CASK: variants seen among roughly 807,000 people sequenced by gnomAD.
The protein encoded by CASK is peripheral plasma membrane protein CASK.
A neutral mutation model predicts 82.9 loss-of-function variants in CASK; 4 were observed. The ratio of observed to expected loss-of-function variants is 0.05; its 90% confidence interval spans 0.02 to 0.11. The LOEUF is 0.11. Ranked by LOEUF, CASK falls within the 10% of genes least tolerant of loss-of-function variation. The pLI is 1.00. For missense variants in CASK, 358 were observed against 720.9 expected (o/e 0.50, Z 5.76); for synonymous variants, 259 against 253.5 (o/e 1.02, Z -0.20).
chrX:41,665,194 C>A lies in CASK; in HGVS notation c.708+83G>T, dbSNP rs1385037646. On this transcript the variant is annotated intron_variant, in intron 7 of 26. Coordinates refer to ENST00000378163, the MANE Select transcript of CASK (RefSeq NM_001367721.1). ...AACTACCTGGCAGTCAATTAGTGGG[C>A]AAAGACAGACAGTAACTTCAAAAAA... 3 of 838,120 alleles carry A rather than the reference C, an allele frequency of 3.6e-6. No individual in the cohort carries two copies. In the African/African-American group the frequency reaches 6.1e-5, roughly 17 times the overall value. 69.1% of individuals were successfully genotyped at this position (838,120 alleles called of 1,213,427 possible).
In CASK at chrX:41,561,651, A is replaced by C. The variant is rs778073677; in HGVS notation, c.1583-7T>G. On this transcript the variant is annotated splice_region_variant and splice_polypyrimidine_tract_variant and intron_variant, in intron 16 of 26. Transcript: ENST00000378163. ...TCACCAACATGAAGTGTACCTAAGA[A>C]ATTATATAACATTATAAACATGAAA... is the stretch of plus-strand genomic sequence containing the variant. 9.8e-5 allele frequency: 109 copies of C among 1,109,216 alleles called. No individual in the cohort carries two copies. Among genetic ancestry groups the C allele is most frequent in the Non-Finnish European group, 1.4e-4 (109 of 803,843 alleles). 91.4% of individuals were successfully genotyped at this position (1,109,216 alleles called of 1,213,427 possible).
intron 8 of CASK, among the ~76,000 whole-genome samples, chrX:41,655,101 T>C (rs2066916677): frequency 9.0e-6 from 1 of 110,629 alleles, no homozygotes; most frequent in South Asian, 3.9e-4. Context: ...TACCTAAATG[T>C]TTTATGGAAC....
intron 7 of CASK, among the ~76,000 whole-genome samples, chrX:41,662,200 A>G (rs1199599957): frequency 8.9e-6 from 1 of 111,751 alleles, no homozygotes; most frequent in Non-Finnish European, 1.9e-5. Flanking sequence ...ATAGCAGCTT[A>G]GAATCTTGCT....
rs754837238 is a variant in CASK at position 41,676,452 on chromosome X, G to A, written c.430-4922C>T. 47 of 1,196,017 alleles carry A rather than the reference G, an allele frequency of 3.9e-5. No individual in the cohort carries two copies. The East Asian group carries it at 1.3e-3, about 34-fold the overall frequency. Reference sequence around the variant, plus strand: ...GCCATGTCATCATATCGCTCAGCCTGCTCGGCCAGTTTGGCCTTCTGAACC... The same window carrying A: ...GCCATGTCATCATATCGCTCAGCCTACTCGGCCAGTTTGGCCTTCTGAACC... On this transcript the variant is annotated intron_variant, in intron 5 of 26. Coordinates refer to ENST00000378163, the MANE Select transcript of CASK (RefSeq NM_001367721.1).
chrX:41,889,311 T>A (rs1157749952), intron 1 of CASK, among the ~76,000 whole-genome samples: 3 of 78,868 alleles, frequency 3.8e-5, no homozygotes, highest in African/African-American at 1.1e-4. Flanking sequence ...GCCAACATCT[T>A]TTTTTTTTTA....
intron 2 of CASK, among the ~76,000 whole-genome samples, chrX:41,835,907 T>G (rs1160733623): frequency 4.5e-5 from 5 of 112,143 alleles, no homozygotes; most frequent in Non-Finnish European, 9.4e-5. Flanking sequence ...AACTTTACAT[T>G]TGTAATATTT....
Position 41,542,821 on chromosome X carries a change from A to C in CASK, c.2040-15T>G, listed in dbSNP as rs763339326. 1.0e-6 allele frequency: 1 copy of C among 963,966 alleles called. No individual in the cohort carries two copies. The highest frequency in any genetic ancestry group is 1.9e-5 in the African/African-American group (1 of 52,676). The allele number at this position is 963,966 out of a possible 1,213,427, so 79.4% of individuals were successfully genotyped here. ...AAGCTACTCGCCTAGCACATACAAA[A>C]AGAAAAATAAAATAAAATGAATTTA... On this transcript the variant is annotated splice_polypyrimidine_tract_variant and intron_variant, in intron 21 of 26. Transcript: ENST00000378163.
intron 5 of CASK, among the ~76,000 whole-genome samples, chrX:41,692,175 C>T (rs915698902): frequency 1.8e-5 from 2 of 112,191 alleles, no homozygotes; most frequent in African/African-American, 6.5e-5. Flanking sequence ...ACAGAAAGTA[C>T]TAAATAAATA....
intron 22 of CASK, among the ~76,000 whole-genome samples, chrX:41,538,475 A>G (rs919346495): frequency 8.9e-6 from 1 of 111,920 alleles, no homozygotes; most frequent in Non-Finnish European, 1.9e-5. Context: ...CAATGCCTCT[A>G]GAGTTCAGTT....
intron 15 of CASK, among the ~76,000 whole-genome samples, chrX:41,577,844 G>A (rs2147199421): frequency 9.0e-6 from 1 of 111,650 alleles, no homozygotes; most frequent in African/African-American, 3.2e-5. Context: ...ATATTAAGTA[G>A]GTAGCTGGGA....
intron 2 of CASK, among the ~76,000 whole-genome samples, chrX:41,846,445 G>A (rs1196359745): frequency 1.9e-5 from 2 of 107,555 alleles, no homozygotes; most frequent in South Asian, 4.3e-4. Context: ...TTGGGGGGGC[G>A]GGGGGCTAGT....
intron 1 of CASK, among the ~76,000 whole-genome samples, chrX:41,882,796 T>G (rs1405436466): frequency 9.0e-6 from 1 of 111,646 alleles, no homozygotes; most frequent in Non-Finnish European, 1.9e-5. Context: ...CTTGACCATT[T>G]ACCCATCACT....
intron 2 of CASK, among the ~76,000 whole-genome samples, chrX:41,797,978 GT>G (rs1181646378): frequency 8.9e-5 from 10 of 111,971 alleles, no homozygotes; most frequent in Non-Finnish European, 1.9e-4. Flanking sequence ...GAATGCACTT[GT>G]TTTAAACAAA....
At position 41,597,146 on chromosome X, in the gene CASK, C is replaced by A. The variant is rs190780213; in HGVS notation, c.1156-7554G>T. On this transcript the variant is annotated intron_variant, in intron 12 of 26. Coordinates refer to ENST00000378163, the MANE Select transcript of CASK (RefSeq NM_001367721.1). ...CTCATAGTTTATGTGCAGTATTTAT[C>A]AAGATCAACATTTAAAATGGAATGC... 3.6e-5 allele frequency among the ~76,000 whole-genome samples: 4 copies of A among 111,954 alleles called. No individual in the cohort carries two copies. In the East Asian group the frequency reaches 1.1e-3, roughly 31 times the overall value.
At chrX:41,581,740 G>A (rs2065583207) in intron 14 of CASK, among the ~76,000 whole-genome samples, 1 of 103,775 alleles carries the variant, frequency 9.6e-6, no homozygotes, top group Non-Finnish European at 2.0e-5. Flanking sequence ...ATTTAATATA[G>A]TATATATATA....
chrX:41,918,447 C>T (rs1359261412), intron 1 of CASK, among the ~76,000 whole-genome samples: 1 of 112,404 alleles, frequency 8.9e-6, no homozygotes, highest in Non-Finnish European at 1.9e-5. Flanking sequence ...TGTACAAACA[C>T]AATCCATACT....
chrX:41,809,879 T>A (rs1348654422), intron 2 of CASK, among the ~76,000 whole-genome samples: 5 of 111,563 alleles, frequency 4.5e-5, no homozygotes, highest in Non-Finnish European at 9.4e-5. Flanking sequence ...ATAACTAATG[T>A]AGAAAAGTCC....
intron 21 of CASK, among the ~76,000 whole-genome samples, 173 bp downstream of exon 21, chrX:41,553,546 C>T (rs903350809): frequency 9.0e-6 from 1 of 111,047 alleles, no homozygotes; most frequent in African/African-American, 3.3e-5. Context: ...TAGGATCTCA[C>T]TAGATACTGA....
intron 5 of CASK, among the ~76,000 whole-genome samples, chrX:41,735,279 C>G (rs1054316848): frequency 9.0e-6 from 1 of 111,692 alleles, no homozygotes; most frequent in African/African-American, 3.3e-5. Context: ...AAACAAAAAT[C>G]TACATACAAA....
Sources: allele counts gnomAD v4.1 joint callset (sites outside exome capture counted in the v4.1 genomes callset), GRCh38; gene constraint gnomAD v4.1.1; transcripts MANE v1.5; gene names NCBI Gene and HGNC (gene_info 2026-07-23, HGNC 2026-07-21).